CDCA8: variants seen among roughly 807,000 people sequenced by gnomAD.
CDCA8 encodes cell division cycle associated 8.
CDCA8 carries 25 observed loss-of-function variants against 40.0 expected under a neutral mutation model. That is an observed-to-expected ratio of 0.63 (90% CI 0.46 to 0.87). The LOEUF is 0.87. Among genes scored for constraint, CDCA8 ranks in the 40% least tolerant of loss-of-function variants. The probability of loss-of-function intolerance (pLI) is 0.00; values close to 1 mark genes in which losing one functional copy is unlikely to be tolerated. For synonymous variants in CDCA8, 111 were observed against 126.5 expected (o/e 0.88, Z 0.82); for missense variants, 280 against 348.4 (o/e 0.80, Z 1.56).
chr1:37,693,855 A>G (rs1398896331), intron 2 of CDCA8, among the ~76,000 whole-genome samples: 3 of 151,822 alleles, frequency 2.0e-5, no homozygotes, highest in African/African-American at 7.3e-5. Flanking sequence ...TGGGCGCATC[A>G]GGCTGGGCGT....
intron 2 of CDCA8, among the ~76,000 whole-genome samples, chr1:37,694,135 C>T (rs1346105644): frequency 6.6e-6 from 1 of 151,852 alleles, no homozygotes; most frequent in Non-Finnish European, 1.5e-5. Flanking sequence ...AGTGAAACTC[C>T]GTCTCAAAAA....
chr1:37,700,384 C>T (rs1645555643), intron 4 of CDCA8, 52 bp from the exon 5 acceptor site: 3 of 1,114,394 alleles, frequency 2.7e-6, no homozygotes, highest in Non-Finnish European at 4.1e-6. Flanking sequence ...TGTGAATGCA[C>T]AAAACTTTAT....
At chr1:37,702,154 C>CCTCA (rs1645569394) in intron 6 of CDCA8, among the ~76,000 whole-genome samples, 2 of 151,298 alleles carry the variant, frequency 1.3e-5, no homozygotes, top group South Asian at 4.2e-4. Context: ...GATTCTCCTG[C>CCTCA]CTCAGCCTCC....
chr1:37,699,491 G>T (rs1317090661), intron 4 of CDCA8, among the ~76,000 whole-genome samples: 2 of 152,072 alleles, frequency 1.3e-5, no homozygotes, highest in Non-Finnish European at 2.9e-5. Context: ...CAGCACTTTG[G>T]GAGGCCAAGC....
At chr1:37,697,800 T>G (rs1297716504) in intron 3 of CDCA8, among the ~76,000 whole-genome samples, 1 of 152,246 alleles carries the variant, frequency 6.6e-6, no homozygotes, top group Non-Finnish European at 1.5e-5. Context: ...GCCCCTACTT[T>G]CTGTTGCATC....
At chr1:37,702,007 A>G (rs1046672788) in intron 6 of CDCA8, among the ~76,000 whole-genome samples, 189 bp downstream of exon 6, 3 of 149,672 alleles carry the variant, frequency 2.0e-5, no homozygotes, top group African/African-American at 7.4e-5. Flanking sequence ...CATCTCCAGT[A>G]CTTTAATGTA....
chr1:37,707,207 C>T (rs1248878327), intron 9 of CDCA8, 143 bp downstream of exon 9: 8 of 625,346 alleles, frequency 1.3e-5, no homozygotes, highest in East Asian at 1.1e-4. Context: ...GATTTTGACT[C>T]TTACCCTACT....
intron 2 of CDCA8, among the ~76,000 whole-genome samples, chr1:37,694,360 C>T (rs1645512859): frequency 6.6e-6 from 1 of 152,190 alleles, no homozygotes. Flanking sequence ...TTTTGACTTG[C>T]CCTTTTATTT....
chr1:37,703,361 G>A lies in CDCA8; in HGVS notation c.584+14G>A, dbSNP rs926482874. 7.0e-6 allele frequency: 11 copies of A among 1,575,684 alleles called. No homozygotes were observed. The highest frequency in any genetic ancestry group is 5.4e-5 in the African/African-American group (4 of 74,300). On this transcript the variant is annotated intron_variant, in intron 7 of 9. Transcript: ENST00000373055. Reference sequence around the variant, plus strand: ...GTTTGACTCAAGGTGAGTATCGAGGGAAACACTTGGATTTGATGGGACTCC... The same window carrying A: ...GTTTGACTCAAGGTGAGTATCGAGGAAAACACTTGGATTTGATGGGACTCC...
rs765795028 is a variant in CDCA8, at chr1:37,706,984, C to A, written c.718C>A (p.Arg240=). Residue 240 remains arginine, a synonymous_variant, in exon 9 of 10, where the codon CGA becomes AGA. Coordinates refer to ENST00000373055, the MANE Select transcript of CDCA8 (RefSeq NM_001256875.2). The part of the protein sequence containing the change: ...TVPVGGGESL[R]LLASDLQRHS... ...CACTCCCCTTTCTATTCAGAGCCTGCGATTATTGGCCAGTGACTTGCAGAG... is the reference window on the plus strand; with the variant it reads ...CACTCCCCTTTCTATTCAGAGCCTGAGATTATTGGCCAGTGACTTGCAGAG... 6.2e-7 allele frequency: 1 copy of A among 1,613,876 alleles called. No individual in the cohort carries two copies. The highest frequency in any genetic ancestry group is 8.5e-7 in the Non-Finnish European group (1 of 1,179,710).
intron 8 of CDCA8, among the ~76,000 whole-genome samples, chr1:37,706,582 A>C (rs1457152130): frequency 2.6e-5 from 4 of 152,230 alleles, no homozygotes; most frequent in Non-Finnish European, 4.4e-5. Context: ...GGCACCACCG[A>C]GGTATGCGCT....
Position 37,696,848 on chromosome 1 carries a change from G to A in CDCA8, c.264+898G>A, listed in dbSNP as rs1043651498. ...CACCAAGGGCACATAGCAGATCTCC[G>A]CCAGCTTCATTCAGAAGGTAAAGGT... is the stretch of plus-strand genomic sequence containing the variant. On this transcript the variant is annotated intron_variant, in intron 3 of 9. Transcript: ENST00000373055. The surrounding 1 kb of genome is among the most constrained non-coding windows in gnomAD (Gnocchi z 5.0). Among the ~76,000 whole-genome samples the A allele has an allele frequency of 2.6e-5, 4 of 152,270 alleles. No homozygotes were observed. The highest frequency in any genetic ancestry group is 3.4e-3 in the Middle Eastern group (1 of 294).
intron 3 of CDCA8, among the ~76,000 whole-genome samples, chr1:37,697,168 C>T (rs1165581106): frequency 6.6e-6 from 1 of 152,144 alleles, no homozygotes; most frequent in East Asian, 1.9e-4. Context: ...TCTATAAAAG[C>T]TCTTAGTTGG....
chr1:37,703,450 T>C (rs1645578786), intron 7 of CDCA8, 103 bp downstream of exon 7: 1 of 863,176 alleles, frequency 1.2e-6, no homozygotes, highest in African/African-American at 1.6e-5. Flanking sequence ...GCACGGTAGC[T>C]CACGCCTGTA....
rs189066522 is a variant in CDCA8, at chr1:37,699,019, A to G, written c.337+42A>G. The G allele has an allele frequency of 9.0e-4, 1,277 of 1,415,928 alleles. 2 individuals carry two copies. Among genetic ancestry groups the G allele is most frequent in the Non-Finnish European group, 1.2e-3 (1,217 of 999,912 alleles). 87.7% of individuals were successfully genotyped at this position (1,415,928 alleles called of 1,614,324 possible). On this transcript the variant is annotated intron_variant, in intron 4 of 9. Transcript: ENST00000373055. The stretch of plus-strand genomic sequence containing the variant: ...ACTCCTTGTTGTACAGAAAGAACTG[A>G]GGCTCAGGTTGCTTGGTTGGCTGCT...
At position 37,692,935 on chromosome 1, in the gene CDCA8, A is replaced by T. The variant is rs750820280; in HGVS notation, c.125A>T (p.Asp42Val). 3 of 1,614,134 alleles carry T rather than the reference A, an allele frequency of 1.9e-6. No individual in the cohort carries two copies. In the East Asian group the frequency reaches 6.7e-5, roughly 36 times the overall value. The change falls in exon 2 of 10, where the codon GAC becomes GTC. Residue 42 changes from aspartate (D) to valine (V), a missense_variant. By Grantham distance (152) the Asp-to-Val change is radical. Transcript: ENST00000373055. Reference protein sequence around the residue: ...VEIRIKQIESDRQNLLKEVDN... With the variant: ...VEIRIKQIESVRQNLLKEVDN... ...ATACGAATCAAGCAAATTGAGTCAGACAGGCAGAACCTCCTCAAGGAGGTG... is the reference window on the plus strand; with the variant it reads ...ATACGAATCAAGCAAATTGAGTCAGTCAGGCAGAACCTCCTCAAGGAGGTG...
intron 3 of CDCA8, among the ~76,000 whole-genome samples, chr1:37,697,935 C>T (rs1262676226): frequency 2.0e-5 from 3 of 152,164 alleles, no homozygotes; most frequent in Admixed American, 1.3e-4. Flanking sequence ...CCATTCCAAA[C>T]CTGTAGTAAT....
At position 37,696,443 on chromosome 1, in the gene CDCA8, G is replaced by A. The variant is rs138984123; in HGVS notation, c.264+493G>A. On this transcript the variant is annotated intron_variant, in intron 3 of 9. Transcript: ENST00000373055. This position sits in a 1 kb window ranked among gnomAD's most constrained non-coding sequence, Gnocchi z 5.0. The stretch of plus-strand genomic sequence containing the variant: ...TGCACTGTCCAGTGTAGTAGCCACT[G>A]GGCATATGTAGCTATTTCAGTTAAT... 2.7e-3 allele frequency among the ~76,000 whole-genome samples: 404 copies of A among 152,288 alleles called. No homozygotes were observed. Among genetic ancestry groups the A allele is most frequent in the African/African-American group, 8.6e-3 (357 of 41,554 alleles).
At chr1:37,699,955 T>G (rs1645553150) in intron 4 of CDCA8, among the ~76,000 whole-genome samples, 2 of 152,124 alleles carry the variant, frequency 1.3e-5, no homozygotes, top group African/African-American at 2.4e-5. Flanking sequence ...CCATGATCTA[T>G]CCACATAAAA....
Sources: gnomAD v4.1 joint callset for allele counts (sites outside exome capture counted in the v4.1 genomes callset) on GRCh38, gnomAD v4.1.1 for gene constraint, Gnocchi (gnomAD v3.1) non-coding constraint, MANE v1.5 for transcripts, NCBI Gene and HGNC (gene_info 2026-07-23, HGNC 2026-07-21) for gene names.